Variants in PPP2R3A observed in about 807,000 individuals in gnomAD.
PPP2R3A encodes the protein protein phosphatase 2 regulatory subunit B''alpha, also known as serine/threonine-protein phosphatase 2A regulatory subunit B'' subunit alpha.
In PPP2R3A, 80 loss-of-function variants were observed where a neutral mutation model predicts 106.9. That is an observed-to-expected ratio of 0.75 (90% CI 0.62 to 0.90). The LOEUF is 0.90. PPP2R3A is among the 40% of genes least tolerant of loss of function. PPP2R3A has a pLI of 0.00. For missense variants in PPP2R3A, 1,386 were observed against 1,350.4 expected, an observed-to-expected ratio of 1.03 and a Z score of -0.41; for synonymous variants, 483 against 468.3, an observed-to-expected ratio of 1.03 and a Z score of -0.41.
At chr3:136,082,123 G>A (rs928763280) in intron 7 of PPP2R3A, 142 bp from the exon 8 acceptor site, 25 of 614,828 alleles carry the variant, frequency 4.1e-5, no homozygotes, top group Middle Eastern at 4.4e-4. Context: ...AAGGTAGGAT[G>A]AGGTTGCCTA....
chr3:136,136,071 A>T (rs1207817404), intron 13 of PPP2R3A, among the ~76,000 whole-genome samples: 3,155 of 23,428 alleles, frequency 0.13, 336 homozygotes, highest in African/African-American at 0.2. Flanking sequence ...AAAAAAAAAA[A>T]AATTATATAT....
intron 2 of PPP2R3A, among the ~76,000 whole-genome samples, chr3:136,023,587 C>G (rs1465994975): frequency 6.6e-6 from 1 of 152,096 alleles, no homozygotes; most frequent in Non-Finnish European, 1.5e-5. Flanking sequence ...CTTGTTTGCA[C>G]TTTGAATCAA....
At chr3:136,061,868 A>C (rs1048153211) in intron 5 of PPP2R3A, among the ~76,000 whole-genome samples, 1 of 143,268 alleles carries the variant, frequency 7.0e-6, no homozygotes, top group Non-Finnish European at 1.5e-5. Context: ...TGGAGCTTGC[A>C]GTGAGCCGAG....
Position 136,141,494 on chromosome 3 carries a change from G to T in PPP2R3A, c.3330-3549G>T, listed in dbSNP as rs76628352. On this transcript the variant is annotated intron_variant, in intron 13 of 13. Transcript: ENST00000264977. ...ATAATCCCTACCCCTTAGGTTTTCT[G>T]AAGATTATTCTGCCAGATTAGTGGA... Among the ~76,000 whole-genome samples the T allele has an allele frequency of 6.2e-3, 951 of 152,348 alleles. 13 individuals are homozygous for T. The highest frequency in any genetic ancestry group is 0.022 in the African/African-American group (904 of 41,582).
intron 10 of PPP2R3A, among the ~76,000 whole-genome samples, chr3:136,091,653 T>C (rs897183602): frequency 1.3e-5 from 2 of 152,218 alleles, no homozygotes; most frequent in African/African-American, 4.8e-5. Context: ...GTTTAGAAGA[T>C]GTTGAAATAA....
At chr3:135,994,901 T>C (rs184387524) in intron 1 of PPP2R3A, among the ~76,000 whole-genome samples, 95 of 152,308 alleles carry the variant, frequency 6.2e-4, no homozygotes, top group African/African-American at 2.1e-3. Flanking sequence ...CATCCTAACT[T>C]ATCTGCTGCT....
chr3:136,135,092 C>G (rs941016328), intron 13 of PPP2R3A, among the ~76,000 whole-genome samples: 1 of 149,896 alleles, frequency 6.7e-6, no homozygotes, highest in African/African-American at 2.5e-5. Context: ...GAGAACGTGC[C>G]AGTGGAAGGA....
At chr3:136,121,593 GA>G (rs1403274392) in intron 13 of PPP2R3A, among the ~76,000 whole-genome samples, 1 of 151,394 alleles carries the variant, frequency 6.6e-6, no homozygotes, top group African/African-American at 2.4e-5. Context: ...AATAAAAGTT[GA>G]AAAAGAAAAA....
Position 136,007,696 on chromosome 3 carries a change from A to G in PPP2R3A, c.1995+4203A>G, listed in dbSNP as rs560912419. ...CCCACAGGCTTTCTTACAGTACGCT[A>G]TATACAAGCTCTTTGTTTAAATTTT... On this transcript the variant is annotated intron_variant, in intron 2 of 13. Transcript: ENST00000264977. 4.6e-5 allele frequency among the ~76,000 whole-genome samples: 7 copies of G among 152,296 alleles called. No homozygotes were observed. In the East Asian group the frequency reaches 1.4e-3, roughly 29 times the overall value.
At chr3:136,013,170 GTGTGTGTGTGTGTA>G (rs1185229982) in intron 2 of PPP2R3A, among the ~76,000 whole-genome samples, 2 of 117,866 alleles carry the variant, frequency 1.7e-5, no homozygotes, top group Non-Finnish European at 3.8e-5. Flanking sequence ...GTGTGTGTGT[GTGTGTGTGTGTGTA>G]TGTATGTATG....
chr3:136,143,499 A>G (rs1938963734), intron 13 of PPP2R3A, among the ~76,000 whole-genome samples: 1 of 150,044 alleles, frequency 6.7e-6, no homozygotes, highest in Admixed American at 6.6e-5. Flanking sequence ...TCAAAAACAA[A>G]AAGATGTTGA....
intron 13 of PPP2R3A, among the ~76,000 whole-genome samples, chr3:136,125,466 TCTGTA>T (rs1938145582): frequency 6.6e-6 from 1 of 152,154 alleles, no homozygotes; most frequent in South Asian, 2.1e-4. Context: ...CCAAAATCAC[TCTGTA>T]AAGCCAGTAT....
intron 2 of PPP2R3A, among the ~76,000 whole-genome samples, chr3:136,007,453 C>T (rs1933888953): frequency 6.6e-6 from 1 of 152,182 alleles, no homozygotes; most frequent in Non-Finnish European, 1.5e-5. Context: ...CTCAGCAAGA[C>T]TCAAGTATCT....
chr3:135,994,541 C>T (rs992998597), intron 1 of PPP2R3A, among the ~76,000 whole-genome samples: 1 of 152,172 alleles, frequency 6.6e-6, no homozygotes, highest in Non-Finnish European at 1.5e-5. Flanking sequence ...CCTTGGCTTT[C>T]TTTGGGTTGT....
chr3:136,070,865 G>T (rs1462420005), intron 6 of PPP2R3A, among the ~76,000 whole-genome samples: 1 of 152,144 alleles, frequency 6.6e-6, no homozygotes, highest in Non-Finnish European at 1.5e-5. Context: ...AGACTGAAAA[G>T]AATTTTCAAC....
chr3:136,092,422 C>A (rs1331650478), intron 10 of PPP2R3A, among the ~76,000 whole-genome samples: 1 of 152,174 alleles, frequency 6.6e-6, no homozygotes, highest in East Asian at 1.9e-4. Context: ...CCAAACTGAT[C>A]TACAGATTCC....
At chr3:136,023,344 T>C in intron 2 of PPP2R3A, 2 of 720,524 alleles carry the variant, frequency 2.8e-6, no homozygotes, top group Non-Finnish European at 4.5e-6. Flanking sequence ...GGAATTAATG[T>C]GTGTCCTCTA....
intron 5 of PPP2R3A, among the ~76,000 whole-genome samples, chr3:136,061,813 G>C (rs549894746): frequency 1.3e-5 from 2 of 151,366 alleles, no homozygotes; most frequent in African/African-American, 2.4e-5. Context: ...CCAGCTACTC[G>C]GGAAGCTGAG....
chr3:136,112,171 C>T (rs1002743350), intron 13 of PPP2R3A, among the ~76,000 whole-genome samples: 1 of 152,124 alleles, frequency 6.6e-6, no homozygotes, highest in Non-Finnish European at 1.5e-5. Flanking sequence ...CTATGACAAA[C>T]CCACAGCCAG....
Sources: gnomAD v4.1 joint callset for allele counts (sites outside exome capture counted in the v4.1 genomes callset) on GRCh38, gnomAD v4.1.1 for gene constraint, MANE v1.5 for transcripts, NCBI Gene and HGNC (gene_info 2026-07-23, HGNC 2026-07-21) for gene names.